The following FAM133A variants were observed in gnomAD, a reference collection of about 807,000 sequenced individuals.
The protein encoded by FAM133A is family with sequence similarity 133 member A, also known as protein FAM133A.
For missense variants in FAM133A, 159 were observed against 164.4 expected (o/e 0.97, Z 0.18); for synonymous variants, 65 against 58.6 (o/e 1.11, Z -0.50).
At chrX:93,683,275 A>G (rs772455475) in intron 2 of FAM133A, among the ~76,000 whole-genome samples, 20 of 111,952 alleles carry the variant, frequency 1.8e-4, no homozygotes, top group African/African-American at 6.5e-4. Context: ...TTAGATAAGT[A>G]TTGCAAAATT....
intron 2 of FAM133A, among the ~76,000 whole-genome samples, chrX:93,689,136 G>C (rs1267516367): frequency 2.7e-5 from 3 of 109,160 alleles, no homozygotes; most frequent in Non-Finnish European, 5.7e-5. Flanking sequence ...CCGCCTCCCA[G>C]GTTCAAGCAA....
intron 3 of FAM133A, among the ~76,000 whole-genome samples, chrX:93,707,672 A>G (rs1927127569): frequency 9.0e-6 from 1 of 110,785 alleles, no homozygotes; most frequent in Middle Eastern, 4.3e-3. Context: ...ATTGTCCTTA[A>G]TTTCCTCATT....
intron 2 of FAM133A, among the ~76,000 whole-genome samples, chrX:93,687,989 T>C (rs1056565068): frequency 8.9e-6 from 1 of 111,967 alleles, no homozygotes; most frequent in Non-Finnish European, 1.9e-5. Context: ...TCACTCTTTT[T>C]ATGGCTGAAT....
Position 93,709,726 on chromosome X carries a change from C to T in FAM133A, c.307C>T (p.Arg103Trp), listed in dbSNP as rs374525042. The T allele has an allele frequency of 2.7e-5, 32 of 1,193,369 alleles. No individual in the cohort carries two copies. The African/African-American group carries it at 3.9e-4, about 14-fold the overall frequency. Residue 103 changes from arginine (R) to tryptophan (W), a missense_variant, in exon 4 of 4, where the codon CGG (arginine) becomes TGG (tryptophan). Coordinates refer to ENST00000683942, the MANE Select transcript of FAM133A (RefSeq NM_001171109.2). ...GAAAAAGAGAAAGAAGAAATCTTGTCGGTCTTCATCTTCTTCATCAAGCTC... is the reference window on the plus strand; with the variant it reads ...GAAAAAGAGAAAGAAGAAATCTTGTTGGTCTTCATCTTCTTCATCAAGCTC... ...RKKKRKKKSC[R>W]SSSSSSSSDS...
chrX:93,700,525 C>T (rs1926623321), intron 3 of FAM133A, among the ~76,000 whole-genome samples: 1 of 111,451 alleles, frequency 9.0e-6, no homozygotes, highest in African/African-American at 3.3e-5. Flanking sequence ...GATCCCTCCA[C>T]ATGTTTTTTC....
chrX:93,689,933 G>T (rs971212527), intron 2 of FAM133A, among the ~76,000 whole-genome samples: 5 of 110,706 alleles, frequency 4.5e-5, no homozygotes, highest in Non-Finnish European at 9.5e-5. Context: ...GAAAATATAG[G>T]TGCCACTAAT....
At chrX:93,680,123 T>A (rs189578613) in intron 2 of FAM133A, among the ~76,000 whole-genome samples, 1 of 107,763 alleles carries the variant, frequency 9.3e-6, no homozygotes, top group Non-Finnish European at 1.9e-5. Context: ...AACTCCCAAT[T>A]GTCTAGTAAC....
intron 2 of FAM133A, among the ~76,000 whole-genome samples, chrX:93,694,007 A>G (rs1387282646): frequency 9.0e-6 from 1 of 110,512 alleles, no homozygotes; most frequent in Non-Finnish European, 1.9e-5. Context: ...CCCAAGGTAT[A>G]TTTTTTTTAA....
At chrX:93,694,047 A>G (rs1159962954) in intron 2 of FAM133A, among the ~76,000 whole-genome samples, 1 of 111,241 alleles carries the variant, frequency 9.0e-6, no homozygotes, top group African/African-American at 3.3e-5. Context: ...ACAGAGAAAA[A>G]ATAACATTTG....
chrX:93,706,289 CTCTT>C (rs748093336), intron 3 of FAM133A, among the ~76,000 whole-genome samples: 2 of 111,800 alleles, frequency 1.8e-5, no homozygotes, highest in Non-Finnish European at 3.8e-5. Flanking sequence ...TGTTTCTTGA[CTCTT>C]TCTTTTCTGA....
At chrX:93,691,957 G>T (rs1925920743) in intron 2 of FAM133A, among the ~76,000 whole-genome samples, 1 of 111,007 alleles carries the variant, frequency 9.0e-6, no homozygotes, top group African/African-American at 3.3e-5. Flanking sequence ...AAAAGGCAGA[G>T]ATTTTTCAAG....
intron 2 of FAM133A, among the ~76,000 whole-genome samples, chrX:93,688,375 C>T (rs60724271): frequency 3.6e-5 from 4 of 110,573 alleles, no homozygotes; most frequent in Non-Finnish European, 5.7e-5. Flanking sequence ...CACTGGTCCC[C>T]GAATCACTGA....
intron 2 of FAM133A, among the ~76,000 whole-genome samples, chrX:93,683,987 G>T (rs1350798848): frequency 9.0e-6 from 1 of 111,545 alleles, no homozygotes; most frequent in African/African-American, 3.3e-5. Flanking sequence ...CCTTTGCTGT[G>T]CATAAGCTGT....
intron 2 of FAM133A, among the ~76,000 whole-genome samples, chrX:93,678,741 C>T (rs28470603): frequency 0.027 from 3,029 of 112,022 alleles, 94 homozygotes; most frequent in African/African-American, 0.092. Context: ...ACTGATTTGC[C>T]TTTGCACATT....
intron 2 of FAM133A, among the ~76,000 whole-genome samples, chrX:93,678,817 A>C (rs2147579913): frequency 9.0e-6 from 1 of 111,624 alleles, no homozygotes; most frequent in South Asian, 3.8e-4. Flanking sequence ...TCCTTTGTGT[A>C]CTGATTTTAA....
At chrX:93,696,737 A>G (rs1300418696) in intron 2 of FAM133A, among the ~76,000 whole-genome samples, 2 of 110,224 alleles carry the variant, frequency 1.8e-5, no homozygotes, top group Non-Finnish European at 3.8e-5. Flanking sequence ...TGGCTAACAC[A>G]GTGACACCCC....
In FAM133A at chrX:93,691,513, T is replaced by G. The variant is rs187827508; in HGVS notation, c.-192-6884T>G. ...CTGCTCCACTTATTTATATTATATG[T>G]CAACACCACATTGTCTTAACTGTGG... On this transcript the variant is annotated intron_variant, in intron 2 of 3. Coordinates refer to ENST00000683942, the MANE Select transcript of FAM133A (RefSeq NM_001171109.2). 1.3e-3 allele frequency among the ~76,000 whole-genome samples: 145 copies of G among 112,340 alleles called. 1 individual carries two copies. The highest frequency in any genetic ancestry group is 4.5e-3 in the African/African-American group (139 of 31,035).
chrX:93,690,081 C>G (rs750080655), intron 2 of FAM133A, among the ~76,000 whole-genome samples: 23 of 109,406 alleles, frequency 2.1e-4, no homozygotes, highest in Non-Finnish European at 3.8e-5. Flanking sequence ...GAGATATAGA[C>G]TTGGGTGTAA....
chrX:93,679,915 ATTTTTTTTTTTTTTTTTTTTTT>A (rs376335726), intron 2 of FAM133A, among the ~76,000 whole-genome samples: 3 of 62,444 alleles, frequency 4.8e-5, no homozygotes, highest in African/African-American at 1.7e-4. Flanking sequence ...CTCCTGGCAA[ATTTTTTTTTTTTTTTTTTTTTT>A]TTTTTTTTTT....
Sources: gnomAD v4.1 joint callset for allele counts (sites outside exome capture counted in the v4.1 genomes callset) on GRCh38, gnomAD v4.1.1 for gene constraint, MANE v1.5 for transcripts, NCBI Gene and HGNC (gene_info 2026-07-23, HGNC 2026-07-21) for gene names.